CSMD1: variants seen among roughly 807,000 people sequenced by gnomAD.
CSMD1 encodes CUB and Sushi multiple domains 1.
Under a neutral mutation model 417.5 loss-of-function variants are expected in CSMD1, and 213 were observed. The observed-to-expected ratio is 0.51, with a 90% CI of 0.46 to 0.57. CSMD1 has a LOEUF of 0.57. Ranked by LOEUF, CSMD1 falls within the 20% of genes least tolerant of loss-of-function variation. The pLI is 0.00. For missense variants in CSMD1, 6,923 were observed against 4,529.7 expected, an observed-to-expected ratio of 1.53 and a Z score of -15.17; for synonymous variants, 2,862 against 1,736.8, an observed-to-expected ratio of 1.65 and a Z score of -16.11.
At position 3,561,170 on chromosome 8, in the gene CSMD1, G is replaced by A. The variant is rs780789127; in HGVS notation, c.1344+13775C>T. On this transcript the variant is annotated intron_variant, in intron 10 of 69. Transcript: ENST00000635120. ...AAATGTTGGCAAGGATGTGCAGAAA[G>A]CAAATACTATTGGTAGCAATGTAAA... Among the ~76,000 whole-genome samples, 50 of 152,152 alleles carry A rather than the reference G, an allele frequency of 3.3e-4. 1 individual carries two copies. The highest frequency in any genetic ancestry group is 6.5e-4 in the Non-Finnish European group (44 of 68,036).
chr8:3,391,089 T>C lies in CSMD1; in HGVS notation c.2594-3407A>G, dbSNP rs367774778. On this transcript the variant is annotated intron_variant, in intron 17 of 69. Coordinates refer to ENST00000635120, the MANE Select transcript of CSMD1 (RefSeq NM_033225.6). ...TTAGCATGCATGGGCATGTTATATA[T>C]ACCTTTGCATTGCATCCAGTACCAT... is the stretch of plus-strand genomic sequence containing the variant. 7.2e-5 allele frequency among the ~76,000 whole-genome samples: 11 copies of C among 152,218 alleles called. No homozygotes were observed. In the East Asian group the frequency reaches 1.5e-3, roughly 21 times the overall value.
intron 3 of CSMD1, among the ~76,000 whole-genome samples, chr8:4,159,684 G>C (rs1210873522): frequency 1.3e-5 from 2 of 152,050 alleles, no homozygotes; most frequent in South Asian, 4.1e-4. Context: ...CCCCTCCCGG[G>C]TTCACGCCAT....
chr8:3,090,357 T>C (rs1298107301), intron 48 of CSMD1, among the ~76,000 whole-genome samples: 1 of 150,576 alleles, frequency 6.6e-6, no homozygotes, highest in Non-Finnish European at 1.5e-5. Context: ...TGACTATCTA[T>C]TTTTTGGAAC....
intron 3 of CSMD1, among the ~76,000 whole-genome samples, chr8:4,249,311 G>A (rs996034204): frequency 6.6e-6 from 1 of 152,152 alleles, no homozygotes; most frequent in African/African-American, 2.4e-5. Context: ...AGATGACCTG[G>A]CAAAGCCACT....
Position 3,367,028 on chromosome 8 carries a change from A to G in CSMD1, c.3115+4T>C. On this transcript the variant is annotated splice_donor_region_variant and intron_variant, in intron 20 of 69. Transcript: ENST00000635120. ...GAGAGAAACAGCAAACAAGACCAAC[A>G]TACCTGAAAATGTGATATTGAAGCC... 1 of 1,609,722 alleles carries G rather than the reference A, an allele frequency of 6.2e-7. No homozygotes were observed. Among genetic ancestry groups the G allele is most frequent in the Non-Finnish European group, 8.5e-7 (1 of 1,176,522 alleles).
intron 5 of CSMD1, among the ~76,000 whole-genome samples, chr8:3,990,147 T>A (rs1814635710): frequency 6.6e-6 from 1 of 152,218 alleles, no homozygotes. Context: ...TTAGTTTTAC[T>A]TTTTTATTGT....
At chr8:3,972,396 AT>A (rs1563270131) in intron 5 of CSMD1, among the ~76,000 whole-genome samples, 1 of 152,190 alleles carries the variant, frequency 6.6e-6, no homozygotes, top group Non-Finnish European at 1.5e-5. Flanking sequence ...AAACACAAGT[AT>A]ATTAGAAAGT....
At chr8:3,580,310 C>T (rs993939143) in intron 9 of CSMD1, among the ~76,000 whole-genome samples, 4 of 151,984 alleles carry the variant, frequency 2.6e-5, no homozygotes, top group East Asian at 3.9e-4. Context: ...AGGGAAAAGG[C>T]CTGCTCTGTA....
At chr8:3,572,378 G>A (rs1313229591) in intron 10 of CSMD1, among the ~76,000 whole-genome samples, 1 of 152,168 alleles carries the variant, frequency 6.6e-6, no homozygotes, top group African/African-American at 2.4e-5. Context: ...AGGTGGGCAG[G>A]AGAGGGGCTT....
chr8:4,938,745 G>T (rs886744546), intron 1 of CSMD1, among the ~76,000 whole-genome samples: 3 of 152,180 alleles, frequency 2.0e-5, no homozygotes, highest in African/African-American at 7.2e-5. Flanking sequence ...AGAATGGGAA[G>T]GTTAAAAAGT....
chr8:4,486,180 CATAT>C (rs559383827), intron 2 of CSMD1, among the ~76,000 whole-genome samples: 880 of 17,096 alleles, frequency 0.051, 28 homozygotes, highest in Middle Eastern at 0.14. Flanking sequence ...TATATACATA[CATAT>C]ATATATATAT....
Position 4,448,206 on chromosome 8 carries a change from C to A in CSMD1, c.303-28141G>T, listed in dbSNP as rs56195921. Among the ~76,000 whole-genome samples the A allele has an allele frequency of 2.0e-5, 3 of 152,278 alleles. No homozygotes were observed. In the East Asian group the frequency reaches 5.8e-4, roughly 29 times the overall value. ...GTCTATTTTTAAAAGTTTTTTAACA[C>A]TGAAAATATTTTTCATCTTTATTCA... On this transcript the variant is annotated intron_variant, in intron 2 of 69. Transcript: ENST00000635120.
chr8:3,233,589 C>T (rs1372368816), intron 26 of CSMD1, among the ~76,000 whole-genome samples: 2 of 152,138 alleles, frequency 1.3e-5, no homozygotes, highest in African/African-American at 4.8e-5. Context: ...CATGTGATGG[C>T]TTGGATTAGT....
intron 12 of CSMD1, among the ~76,000 whole-genome samples, chr8:3,448,199 C>A (rs1399668780): frequency 6.7e-6 from 1 of 149,578 alleles, no homozygotes; most frequent in Non-Finnish European, 1.5e-5. Context: ...AATAAAAAGC[C>A]TGTCTGTGTT....
chr8:3,463,665 G>A (rs1476866978), intron 12 of CSMD1, among the ~76,000 whole-genome samples: 1 of 152,186 alleles, frequency 6.6e-6, no homozygotes, highest in Non-Finnish European at 1.5e-5. Context: ...ATTGCACTTG[G>A]ACGCTGTTCA....
At chr8:4,568,010 G>A (rs1368628982) in intron 2 of CSMD1, among the ~76,000 whole-genome samples, 2 of 152,148 alleles carry the variant, frequency 1.3e-5, no homozygotes, top group Non-Finnish European at 2.9e-5. Context: ...CACAGGGCTG[G>A]ATCAGAGCCC....
intron 5 of CSMD1, among the ~76,000 whole-genome samples, chr8:3,996,911 A>C (rs1458219149): frequency 6.6e-6 from 1 of 152,194 alleles, no homozygotes; most frequent in Admixed American, 6.5e-5. Context: ...TCATATTTAC[A>C]ATATGCTTCA....
chr8:4,769,806 C>G (rs773483668), intron 1 of CSMD1, among the ~76,000 whole-genome samples: 2 of 152,104 alleles, frequency 1.3e-5, no homozygotes, highest in Admixed American at 1.3e-4. Flanking sequence ...GCATTTTCTA[C>G]TTGGCATTTT....
rs1801951199 is a variant in CSMD1 at position 2,942,559 on chromosome 8, G to A, written c.10448C>T (p.Thr3483Ile). 5.0e-6 allele frequency: 8 copies of A among 1,606,742 alleles called. No homozygotes were observed. Among genetic ancestry groups the A allele is most frequent in the Non-Finnish European group, 6.0e-6 (7 of 1,175,728 alleles). Reference sequence around the variant, plus strand: ...GGCAGCCGCCACAGAGCCACTGCTGGTGCCGTGGTAATGACTGGAAGAGTC... The same window carrying A: ...GGCAGCCGCCACAGAGCCACTGCTGATGCCGTGGTAATGACTGGAAGAGTC... ...DQDSSSHYHG[T>I]SSGSVAAAIL... Residue 3483 changes from threonine to isoleucine, a missense_variant, in exon 69 of 70, where the codon ACC becomes ATC. Thr to Ile is a moderately conservative substitution (Grantham distance 89). Transcript: ENST00000635120.
Sources: allele counts gnomAD v4.1 joint callset (sites outside exome capture counted in the v4.1 genomes callset), GRCh38; gene constraint gnomAD v4.1.1; transcripts MANE v1.5; gene names NCBI Gene and HGNC (gene_info 2026-07-23, HGNC 2026-07-21).